Variants in LRMDA observed in about 807,000 individuals in gnomAD.
LRMDA encodes the protein leucine-rich melanocyte differentiation-associated protein.
A neutral mutation model predicts 29.8 loss-of-function variants in LRMDA; 18 were observed. The ratio of observed to expected loss-of-function variants is 0.60; its 90% CI spans 0.42 to 0.90. LRMDA has a LOEUF of 0.90. LRMDA is among the 40% of genes least tolerant of loss of function. The pLI, the probability that LRMDA is intolerant of heterozygous loss-of-function variation, is 0.00. For missense variants in LRMDA, 273 were observed against 273.9 expected, an observed-to-expected ratio of 1.00 and a Z score of 0.02; for synonymous variants, 125 against 109.4, an observed-to-expected ratio of 1.14 and a Z score of -0.89.
chr10:75,971,702 C>T (rs1239684150), intron 2 of LRMDA, among the ~76,000 whole-genome samples: 3 of 152,036 alleles, frequency 2.0e-5, no homozygotes, highest in African/African-American at 7.3e-5. Context: ...TTTTTAGTTG[C>T]TATTAGAATT....
rs368705048 is a variant in LRMDA at position 76,353,784 on chromosome 10, G to A, written c.601+29299G>A. On this transcript the variant is annotated intron_variant, in intron 6 of 6. Transcript: ENST00000611255. ...ATTTGTGTTTTCCTCCAACTAGGCT[G>A]ATTTATGGACCTGGAGATGTTTTCT... Among the ~76,000 whole-genome samples the A allele has an allele frequency of 3.9e-5, 6 of 152,238 alleles. No homozygotes were observed. In the East Asian group the frequency reaches 1.2e-3, roughly 29 times the overall value.
chr10:76,286,936 T>C (rs1840278685), intron 5 of LRMDA, among the ~76,000 whole-genome samples: 1 of 152,190 alleles, frequency 6.6e-6, no homozygotes, highest in Admixed American at 6.5e-5. Flanking sequence ...GCTGGCATCC[T>C]CTTCTCAAAT....
intron 2 of LRMDA, among the ~76,000 whole-genome samples, chr10:75,554,641 C>T (rs1840192197): frequency 6.6e-6 from 1 of 152,158 alleles, no homozygotes; most frequent in African/African-American, 2.4e-5. Context: ...TAAGAAAGAA[C>T]TTGCCAATGT....
At chr10:76,163,633 G>A (rs1037213661) in intron 5 of LRMDA, among the ~76,000 whole-genome samples, 5 of 152,024 alleles carry the variant, frequency 3.3e-5, no homozygotes, top group African/African-American at 9.7e-5. Flanking sequence ...AAGGAATTAC[G>A]GTGGTATAAA....
chr10:76,198,631 T>A (rs1204897649), intron 5 of LRMDA, among the ~76,000 whole-genome samples: 1 of 152,230 alleles, frequency 6.6e-6, no homozygotes, highest in Non-Finnish European at 1.5e-5. Flanking sequence ...AACAAAGCGA[T>A]ATTACTCTCC....
intron 6 of LRMDA, among the ~76,000 whole-genome samples, chr10:76,471,346 A>T (rs957905140): frequency 1.8e-4 from 28 of 151,756 alleles, no homozygotes; most frequent in African/African-American, 6.5e-4. Flanking sequence ...CAATTTTAAA[A>T]TTTTTTGTGA....
intron 2 of LRMDA, among the ~76,000 whole-genome samples, chr10:75,491,808 T>C (rs1036769710): frequency 1.3e-5 from 2 of 152,192 alleles, no homozygotes; most frequent in Non-Finnish European, 2.9e-5. Flanking sequence ...TTCCTTGGAA[T>C]ATGTTCCTCT....
At position 76,045,455 on chromosome 10, in the gene LRMDA, C is replaced by CTTGCTAGTTTCCCCCTCTT. The variant is rs1479012423; in HGVS notation, c.259-1695_259-1677dup. Among the ~76,000 whole-genome samples, 17 of 151,478 alleles carry CTTGCTAGTTTCCCCCTCTT rather than the reference C, an allele frequency of 1.1e-4. No individual in the cohort carries two copies. In the East Asian group the frequency reaches 2.6e-3, roughly 23 times the overall value. On this transcript the variant is annotated intron_variant, in intron 3 of 6. Coordinates refer to ENST00000611255, the MANE Select transcript of LRMDA (RefSeq NM_001305581.2). ...TTCCCCCTCTGGTTAGTTTCCTCCT[C>CTTGCTAGTTTCCCCCTCTT]TTGCTAGTTTCCCCCTCTTTTGCTA...
At chr10:76,509,844 A>T (rs1247180552) in intron 6 of LRMDA, among the ~76,000 whole-genome samples, 1 of 152,066 alleles carries the variant, frequency 6.6e-6, no homozygotes, top group Non-Finnish European at 1.5e-5. Flanking sequence ...ATATGTGTGT[A>T]TTGGGTTGGG....
At chr10:75,591,504 G>A (rs568271178) in intron 2 of LRMDA, among the ~76,000 whole-genome samples, 1 of 152,292 alleles carries the variant, frequency 6.6e-6, no homozygotes, top group Non-Finnish European at 1.5e-5. Context: ...TTTAGGTCAT[G>A]AGCAGTTTCC....
chr10:75,431,831 A>G (rs1243920865), intron 1 of LRMDA, 77 bp downstream of exon 1: 6 of 1,251,640 alleles, frequency 4.8e-6, no homozygotes, highest in Non-Finnish European at 6.1e-6. Flanking sequence ...GAGGCTCCCC[A>G]GGGCCTAGAC....
chr10:75,992,071 G>T (rs750754749), intron 2 of LRMDA, among the ~76,000 whole-genome samples: 4 of 152,174 alleles, frequency 2.6e-5, no homozygotes, highest in Admixed American at 6.5e-5. Context: ...TGCCTTTGAT[G>T]CTTGTTTTCT....
intron 5 of LRMDA, among the ~76,000 whole-genome samples, chr10:76,320,025 C>T (rs1998396): frequency 6.6e-6 from 1 of 152,116 alleles, no homozygotes; most frequent in South Asian, 2.1e-4. Flanking sequence ...AGATATCCAC[C>T]GGACTGTAGT....
chr10:76,161,097 G>A (rs1273273985), intron 5 of LRMDA, among the ~76,000 whole-genome samples: 1 of 151,974 alleles, frequency 6.6e-6, no homozygotes, highest in Non-Finnish European at 1.5e-5. Context: ...AAAAACAGAG[G>A]GAAACAAGAC....
At chr10:75,956,418 C>A (rs1281131738) in intron 2 of LRMDA, among the ~76,000 whole-genome samples, 1 of 152,168 alleles carries the variant, frequency 6.6e-6, no homozygotes, top group African/African-American at 2.4e-5. Flanking sequence ...TCATTCTGGG[C>A]ATTCAAATGG....
chr10:76,306,280 T>C (rs931234500), intron 5 of LRMDA, among the ~76,000 whole-genome samples: 4 of 152,374 alleles, frequency 2.6e-5, no homozygotes, highest in African/African-American at 4.8e-5. Context: ...TATCCTGATA[T>C]AGACACTGAG....
intron 2 of LRMDA, chr10:75,642,786 G>A (rs1284332544): frequency 6.6e-6 from 1 of 152,224 alleles, no homozygotes; most frequent in Non-Finnish European, 1.5e-5. Context: ...TCTAGAGTTA[G>A]CAGACCCAGG....
intron 5 of LRMDA, among the ~76,000 whole-genome samples, chr10:76,209,798 G>A (rs928950600): frequency 6.6e-6 from 1 of 152,166 alleles, no homozygotes; most frequent in Non-Finnish European, 1.5e-5. Context: ...CTGAGAGAGT[G>A]TCCTATAGCA....
chr10:75,685,683 G>A (rs1842073214), intron 2 of LRMDA, among the ~76,000 whole-genome samples: 1 of 152,192 alleles, frequency 6.6e-6, no homozygotes, highest in East Asian at 1.9e-4. Flanking sequence ...TCAGCATCAT[G>A]TCATAAAGGC....
Sources: gnomAD v4.1 joint callset for allele counts (sites outside exome capture counted in the v4.1 genomes callset) on GRCh38, gnomAD v4.1.1 for gene constraint, MANE v1.5 for transcripts, NCBI Gene and HGNC (gene_info 2026-07-23, HGNC 2026-07-21) for gene names.